DDHD1: variants seen among roughly 807,000 people sequenced by gnomAD.
DDHD1 encodes the protein phospholipase DDHD1.
Under a neutral mutation model 96.4 loss-of-function variants are expected in DDHD1, and 49 were observed. The observed-to-expected ratio is 0.51, with a 90% CI of 0.40 to 0.64. The LOEUF is 0.64. DDHD1 is among the 30% of genes least tolerant of loss of function. DDHD1 has a pLI of 0.00. For missense variants in DDHD1, 1,106 were observed against 1,161.2 expected (o/e 0.95, Z 0.69); for synonymous variants, 442 against 446.5 (o/e 0.99, Z 0.13).
At chr14:53,105,570 C>T (rs563047228) in intron 1 of DDHD1, among the ~76,000 whole-genome samples, 3 of 152,006 alleles carry the variant, frequency 2.0e-5, no homozygotes, top group African/African-American at 2.4e-5. Context: ...ATAGTTTTTG[C>T]CTGGATTCTA....
At chr14:53,103,914 G>A in intron 1 of DDHD1, 58 bp from the exon 2 acceptor site, 1 of 1,460,898 alleles carries the variant, frequency 6.8e-7, no homozygotes, top group South Asian at 1.4e-5. Context: ...CCCCAAAAGA[G>A]ACACAGTATC....
intron 4 of DDHD1, among the ~76,000 whole-genome samples, chr14:53,076,943 G>A (rs1434210606): frequency 1.3e-5 from 2 of 152,080 alleles, no homozygotes; most frequent in African/African-American, 4.8e-5. Context: ...ACTTTTATAT[G>A]CACTGAGAAG....
At chr14:53,063,676 G>A (rs962765337) in intron 6 of DDHD1, among the ~76,000 whole-genome samples, 1 of 152,054 alleles carries the variant, frequency 6.6e-6, no homozygotes, top group Non-Finnish European at 1.5e-5. Flanking sequence ...ATAAATTATT[G>A]TGCATTTAGA....
At chr14:53,073,158 A>C (rs902344505) in intron 5 of DDHD1, among the ~76,000 whole-genome samples, 1 of 152,092 alleles carries the variant, frequency 6.6e-6, no homozygotes, top group Non-Finnish European at 1.5e-5. Context: ...TTTAACAGAC[A>C]TAACTTTGTG....
intron 1 of DDHD1, among the ~76,000 whole-genome samples, chr14:53,136,071 T>C (rs1890220590): frequency 6.6e-6 from 1 of 152,176 alleles, no homozygotes; most frequent in South Asian, 2.1e-4. Context: ...TGCTTTGTAA[T>C]TTCCCCCACC....
rs1353379419 is a variant in DDHD1 at position 53,037,834 on chromosome 14, TTTC to T, written c.*8931_*8933del. ...ATGTTGATAAGGGTATTTCCTAGGT[TTTC>T]TTCTAGGATTTTTACAGTTTGAGGT... On this transcript the variant is annotated 3_prime_UTR_variant, in exon 13 of 13. Coordinates refer to ENST00000673822, the MANE Select transcript of DDHD1 (RefSeq NM_001160148.2). 1 of 152,134 alleles carries T rather than the reference TTTC, an allele frequency of 6.6e-6. No homozygotes were observed. The highest frequency in any genetic ancestry group is 1.5e-5 in the Non-Finnish European group (1 of 68,020). The allele number at this position is 152,134 out of a possible 1,614,324, so 9.4% of individuals were successfully genotyped here. A position where few individuals can be genotyped will look rare whatever the true frequency, so the allele number is the denominator to read the frequency against.
At chr14:53,137,409 T>C (rs1890316189) in intron 1 of DDHD1, among the ~76,000 whole-genome samples, 1 of 101,726 alleles carries the variant, frequency 9.8e-6, no homozygotes, top group Admixed American at 1.2e-4. Context: ...CTGGCCAACA[T>C]GGCAAAACCC....
intron 4 of DDHD1, among the ~76,000 whole-genome samples, chr14:53,075,624 A>G (rs568355724): frequency 2.0e-5 from 3 of 152,200 alleles, no homozygotes; most frequent in Non-Finnish European, 4.4e-5. Flanking sequence ...AGGTTGCTAC[A>G]CTAAACAACA....
intron 1 of DDHD1, among the ~76,000 whole-genome samples, chr14:53,144,579 G>C (rs1164083199): frequency 6.6e-6 from 1 of 152,072 alleles, no homozygotes; most frequent in Non-Finnish European, 1.5e-5. Flanking sequence ...AACAAACTTG[G>C]GTGCACTTAA....
chr14:53,079,363 A>T (rs4143925), intron 4 of DDHD1, among the ~76,000 whole-genome samples: 119,110 of 151,970 alleles, frequency 0.78, 47,712 homozygotes, highest in East Asian at 0.98. Flanking sequence ...ACTGGAACCG[A>T]CATGTACTAT....
intron 1 of DDHD1, among the ~76,000 whole-genome samples, chr14:53,124,197 T>C (rs1428349654): frequency 6.6e-6 from 1 of 150,662 alleles, no homozygotes; most frequent in Non-Finnish European, 1.5e-5. Flanking sequence ...ATCACGCCAG[T>C]GCACTCCAGC....
intron 1 of DDHD1, among the ~76,000 whole-genome samples, chr14:53,151,569 G>A (rs1415645737): frequency 6.6e-6 from 1 of 152,206 alleles, no homozygotes; most frequent in Non-Finnish European, 1.5e-5. Context: ...CCGTGAGGTA[G>A]GTACAATTTC....
At chr14:53,131,060 T>A (rs1463465665) in intron 1 of DDHD1, among the ~76,000 whole-genome samples, 2 of 152,154 alleles carry the variant, frequency 1.3e-5, no homozygotes, top group African/African-American at 4.8e-5. Flanking sequence ...CTTCTAAACC[T>A]CTTAAAACTC....
At chr14:53,095,717 C>G (rs546683865) in intron 2 of DDHD1, among the ~76,000 whole-genome samples, 29 of 152,140 alleles carry the variant, frequency 1.9e-4, no homozygotes, top group African/African-American at 6.8e-4. Context: ...TTAACAATCA[C>G]TTTTCTAATT....
intron 12 of DDHD1, among the ~76,000 whole-genome samples, chr14:53,048,338 GTT>G (rs34204835): frequency 7.7e-6 from 1 of 130,448 alleles, no homozygotes. Flanking sequence ...TTTTTGGGCT[GTT>G]TTTTTTTTTT....
intron 1 of DDHD1, among the ~76,000 whole-genome samples, chr14:53,146,966 A>T (rs556033281): frequency 6.7e-6 from 1 of 149,566 alleles, no homozygotes; most frequent in Non-Finnish European, 1.5e-5. Flanking sequence ...TAACATGCAC[A>T]GTTTAAATTC....
chr14:53,058,615 G>A lies in DDHD1; in HGVS notation c.1854C>T (p.Phe618=), dbSNP rs1406149222. 3 of 1,599,478 alleles carry A rather than the reference G, an allele frequency of 1.9e-6. No individual in the cohort carries two copies. Among genetic ancestry groups the A allele is most frequent in the South Asian group, 2.3e-5 (2 of 86,918 alleles). ...TPALKFKVEN[F]FCMGSPLAVF... is the part of the protein sequence containing the mutation. Reference sequence around the variant, plus strand: ...CTGCTAATGGGGATCCCATACAGAAGAAATTCTCAACCTAAAATGATAAAG... The same window carrying A: ...CTGCTAATGGGGATCCCATACAGAAAAAATTCTCAACCTAAAATGATAAAG... The change falls in exon 9 of 13, where the codon TTC becomes TTT. Residue 618 remains phenylalanine (F), a synonymous_variant. Coordinates refer to ENST00000673822, the MANE Select transcript of DDHD1 (RefSeq NM_001160148.2).
intron 1 of DDHD1, among the ~76,000 whole-genome samples, chr14:53,110,221 C>G (rs1253673541): frequency 6.6e-6 from 1 of 152,202 alleles, no homozygotes; most frequent in Admixed American, 6.5e-5. Flanking sequence ...GGCCTACAGT[C>G]ATTATTTGAG....
At position 53,073,769 on chromosome 14, in the gene DDHD1, C is replaced by G. The variant is rs768703112; in HGVS notation, c.1368G>C (p.Glu456Asp). The change falls in exon 5 of 13, where the codon GAG becomes GAC. Residue 456 changes from glutamate to aspartate, a missense_variant. Physicochemically the swap from Glu to Asp is conservative, Grantham distance 45 (BLOSUM62 2). Coordinates refer to ENST00000673822, the MANE Select transcript of DDHD1 (RefSeq NM_001160148.2). ...CATCAAGAGTAAGTTTTGACCGCCA[C>G]TCAACAGGCAGAAATTCAACATGTG... The part of the protein sequence containing the change: ...HATHVEFLPV[E>D]WRSKLTLDGD... 1 of 1,608,960 alleles carries G rather than the reference C, an allele frequency of 6.2e-7. No individual in the cohort carries two copies. Among genetic ancestry groups the G allele is most frequent in the Non-Finnish European group, 8.5e-7 (1 of 1,176,922 alleles).
Sources: allele counts gnomAD v4.1 joint callset (sites outside exome capture counted in the v4.1 genomes callset), GRCh38; gene constraint gnomAD v4.1.1; transcripts MANE v1.5; gene names NCBI Gene and HGNC (gene_info 2026-07-23, HGNC 2026-07-21).